DOCK5: variants seen among roughly 807,000 people sequenced by gnomAD.
DOCK5 encodes the protein dedicator of cytokinesis protein 5.
Under a neutral mutation model 251.8 loss-of-function variants are expected in DOCK5, and 142 were observed. That is an observed-to-expected ratio of 0.56 (90% CI 0.49 to 0.65). The LOEUF is 0.65. DOCK5 is among the 30% of genes least tolerant of loss of function. The pLI is 0.00. For missense variants in DOCK5, 2,111 were observed against 2,312.3 expected (o/e 0.91, Z 1.79); for synonymous variants, 842 against 835.5 (o/e 1.01, Z -0.13).
rs1320095956 is a variant in DOCK5 at position 25,211,339 on chromosome 8, A to T, written c.43+26388A>T. The stretch of plus-strand genomic sequence containing the variant: ...AGGGAACAACTACGCCAGTTTTATC[A>T]CCCATGCACTGGGGATGGTATTAGA... On this transcript the variant is annotated intron_variant, in intron 1 of 51. Coordinates refer to ENST00000276440, the MANE Select transcript of DOCK5 (RefSeq NM_024940.8). Among the ~76,000 whole-genome samples the T allele has an allele frequency of 2.8e-5, 2 of 70,382 alleles. 1 individual carries two copies. The highest frequency in any genetic ancestry group is 9.3e-5 in the Non-Finnish European group (2 of 21,470). 46.2% of individuals were successfully genotyped at this position (70,382 alleles called of 152,430 possible).
intron 38 of DOCK5, among the ~76,000 whole-genome samples, chr8:25,377,950 C>T (rs1426111337): frequency 1.3e-5 from 2 of 150,500 alleles, no homozygotes; most frequent in Non-Finnish European, 3.0e-5. Context: ...TCACCAGTTG[C>T]CCAGGCTGGT....
At chr8:25,404,351 C>T (rs1345653096) in intron 48 of DOCK5, among the ~76,000 whole-genome samples, 2 of 152,136 alleles carry the variant, frequency 1.3e-5, no homozygotes, top group African/African-American at 2.4e-5. Flanking sequence ...ATAGATATGG[C>T]TCATTGTATG....
At position 25,302,393 on chromosome 8, in the gene DOCK5, T is replaced by C; in HGVS notation, c.915T>C (p.His305=). Reference sequence around the variant, plus strand: ...TGTGCCAGATTGTCCGCGTGGGCCATATGGAGCTGAAGGAAGGCAAGAAGC... The same window carrying C: ...TGTGCCAGATTGTCCGCGTGGGCCACATGGAGCTGAAGGAAGGCAAGAAGC... ...SLVCQIVRVG[H]MELKEGKKHT... is the part of the protein sequence containing the mutation. The change falls in exon 10 of 52, where the codon CAT becomes CAC. Residue 305 remains histidine, a synonymous_variant. Transcript: ENST00000276440. 2 of 1,608,470 alleles carry C rather than the reference T, an allele frequency of 1.2e-6. No homozygotes were observed. The highest frequency in any genetic ancestry group is 1.7e-6 in the Non-Finnish European group (2 of 1,177,528).
rs185800681 is a variant in DOCK5 at position 25,254,636 on chromosome 8, G to A, written c.127+10879G>A. Among the ~76,000 whole-genome samples, 27 of 151,730 alleles carry A rather than the reference G, an allele frequency of 1.8e-4. No individual in the cohort carries two copies. In the East Asian group the frequency reaches 2.3e-3, roughly 13 times the overall value. The stretch of plus-strand genomic sequence containing the variant: ...TAAAAATGCTAAAAATTAGCCGGGC[G>A]TGGTGGTGGCCAGCTGTAATCCCAG... On this transcript the variant is annotated intron_variant, in intron 2 of 51. Coordinates refer to ENST00000276440, the MANE Select transcript of DOCK5 (RefSeq NM_024940.8).
intron 2 of DOCK5, among the ~76,000 whole-genome samples, chr8:25,257,425 T>A (rs1484543980): frequency 6.6e-6 from 1 of 152,220 alleles, no homozygotes; most frequent in African/African-American, 2.4e-5. Flanking sequence ...TGGGGTCCTG[T>A]GGAATCCTAG....
Position 25,389,097 on chromosome 8 carries a change from ATCT to A in DOCK5, c.4141_4143del (p.Phe1381del). On this transcript the variant is annotated inframe_deletion, in exon 41 of 52. Transcript: ENST00000276440. ...TTCTGTGTCTCACCTGCAGAATAAA[ATCT>A]TCATCTATCGGGGAAAGGAGTATGA... 1.9e-6 allele frequency: 3 copies of A among 1,613,822 alleles called. No individual in the cohort carries two copies. The highest frequency in any genetic ancestry group is 2.5e-6 in the Non-Finnish European group (3 of 1,179,808).
chr8:25,315,142 C>T (rs1323636446), intron 13 of DOCK5, among the ~76,000 whole-genome samples: 6 of 139,786 alleles, frequency 4.3e-5, no homozygotes, highest in Non-Finnish European at 7.8e-5. Context: ...TATTAAAATT[C>T]TTAATTTGCC....
intron 5 of DOCK5, among the ~76,000 whole-genome samples, chr8:25,286,272 G>A (rs186675917): frequency 1.3e-5 from 2 of 152,042 alleles, no homozygotes; most frequent in Non-Finnish European, 2.9e-5. Flanking sequence ...TTGATTCAAC[G>A]CCAACTGAGT....
At chr8:25,265,284 C>T (rs1803710804) in intron 2 of DOCK5, among the ~76,000 whole-genome samples, 3 of 151,896 alleles carry the variant, frequency 2.0e-5, no homozygotes, top group Admixed American at 2.0e-4. Flanking sequence ...TCACGGGTGC[C>T]CAGGGTTGAG....
At chr8:25,316,046 A>G (rs1467057505) in intron 13 of DOCK5, among the ~76,000 whole-genome samples, 1 of 152,256 alleles carries the variant, frequency 6.6e-6, no homozygotes, top group East Asian at 1.9e-4. Context: ...ATGTACCTCA[A>G]TAACATTTAA....
chr8:25,339,390 C>T (rs1249656991), intron 22 of DOCK5, among the ~76,000 whole-genome samples: 2 of 152,120 alleles, frequency 1.3e-5, no homozygotes, highest in African/African-American at 4.8e-5. Context: ...TGCATTGGTG[C>T]AGGGCTTTTG....
intron 16 of DOCK5, among the ~76,000 whole-genome samples, 187 bp from the exon 17 acceptor site, chr8:25,323,661 A>T (rs1255890676): frequency 1.3e-5 from 2 of 152,084 alleles, no homozygotes; most frequent in Non-Finnish European, 2.9e-5. Context: ...TAGGAAGAGG[A>T]GAGCATACTT....
intron 40 of DOCK5, among the ~76,000 whole-genome samples, chr8:25,384,125 C>T (rs2709600): frequency 0.38 from 58,271 of 152,070 alleles, 11,535 homozygotes; most frequent in Admixed American, 0.45. Context: ...CACACAACTG[C>T]GGGCATGATT....
rs77121834 is a variant in DOCK5, at chr8:25,279,188, G to A, written c.321+523G>A. The stretch of plus-strand genomic sequence containing the variant: ...AATAGTGTTAAGTTGTGGTCTGAGA[G>A]TCACCTTTTTGGGCAGACTCACAGT... On this transcript the variant is annotated intron_variant, in intron 5 of 51. Coordinates refer to ENST00000276440, the MANE Select transcript of DOCK5 (RefSeq NM_024940.8). Among the ~76,000 whole-genome samples, 3 of 152,238 alleles carry A rather than the reference G, an allele frequency of 2.0e-5. No homozygotes were observed. In the East Asian group the frequency reaches 5.8e-4, roughly 29 times the overall value.
chr8:25,294,464 C>T (rs2117155287), intron 6 of DOCK5, among the ~76,000 whole-genome samples: 1 of 152,244 alleles, frequency 6.6e-6, no homozygotes, highest in Non-Finnish European at 1.5e-5. Flanking sequence ...ATTCGGATAG[C>T]AGTATCCTAT....
rs541019423 is a variant in DOCK5, at chr8:25,233,116, G to A, written c.44-10558G>A. Among the ~76,000 whole-genome samples, 12 of 152,142 alleles carry A rather than the reference G, an allele frequency of 7.9e-5. No homozygotes were observed. In the South Asian group the frequency reaches 2.5e-3, roughly 32 times the overall value. On this transcript the variant is annotated intron_variant, in intron 1 of 51. Coordinates refer to ENST00000276440, the MANE Select transcript of DOCK5 (RefSeq NM_024940.8). The stretch of plus-strand genomic sequence containing the variant: ...ACCCCCCTGAATTCTCCACTCTCCT[G>A]GTCTCAGAGTGACCACTGGCTGCCT...
At chr8:25,362,183 C>T (rs1800693869) in intron 28 of DOCK5, among the ~76,000 whole-genome samples, 1 of 152,144 alleles carries the variant, frequency 6.6e-6, no homozygotes, top group Non-Finnish European at 1.5e-5. Flanking sequence ...ACGTCCCTGG[C>T]GCAGGAAGAG....
At chr8:25,214,699 T>G (rs569652453) in intron 1 of DOCK5, among the ~76,000 whole-genome samples, 2 of 152,252 alleles carry the variant, frequency 1.3e-5, no homozygotes, top group East Asian at 3.9e-4. Flanking sequence ...GTGGGAATAG[T>G]CTTATCGATT....
At chr8:25,239,047 G>T (rs959248052) in intron 1 of DOCK5, among the ~76,000 whole-genome samples, 21 of 152,198 alleles carry the variant, frequency 1.4e-4, no homozygotes, top group Non-Finnish European at 2.9e-5. Flanking sequence ...AGGTAATCGG[G>T]AGCTAGTAGC....
Sources: gnomAD v4.1 joint callset for allele counts (sites outside exome capture counted in the v4.1 genomes callset) on GRCh38, gnomAD v4.1.1 for gene constraint, MANE v1.5 for transcripts, NCBI Gene and HGNC (gene_info 2026-07-23, HGNC 2026-07-21) for gene names.